The following EMC9 variants were observed in gnomAD, a reference collection of about 807,000 sequenced individuals.
EMC9 encodes the protein ER membrane protein complex subunit 9.
Under a neutral mutation model 25.0 loss-of-function variants are expected in EMC9, and 20 were observed. That is an observed-to-expected ratio of 0.80 (90% CI 0.56 to 1.16). The LOEUF is 1.16. EMC9 is among the 50% of genes most tolerant of loss of function. The probability of loss-of-function intolerance (pLI) is 0.00; values close to 1 mark genes in which losing one functional copy is unlikely to be tolerated. For synonymous variants in EMC9, 100 were observed against 107.0 expected (o/e 0.93, Z 0.40); for missense variants, 256 against 268.7 (o/e 0.95, Z 0.33).
intron 3 of EMC9, chr14:24,140,051 C>G: frequency 3.2e-6 from 1 of 311,968 alleles, no homozygotes; most frequent in Non-Finnish European, 6.3e-6. Context: ...TACGGTAGAT[C>G]TTGGTGTGGA....
chr14:24,139,210 C>G lies in EMC9; in HGVS notation c.441-14G>C. On this transcript the variant is annotated splice_polypyrimidine_tract_variant and intron_variant, in intron 5 of 5. Transcript: ENST00000216799. This position sits in a 1 kb window ranked among gnomAD's most constrained non-coding sequence, Gnocchi z 4.6. ...CTCCACATCACTCTGAAATAGTAAC[C>G]CCCATGGAGGTCAAACAGCAAGTAG... 1 of 1,613,480 alleles carries G rather than the reference C, an allele frequency of 6.2e-7. No individual in the cohort carries two copies. Among genetic ancestry groups the G allele is most frequent in the South Asian group, 1.1e-5 (1 of 91,044 alleles).
Position 24,141,222 on chromosome 14 carries a change from C to A in EMC9, c.83G>T (p.Gly28Val), listed in dbSNP as rs1406319396. The change falls in exon 2 of 6, where the codon GGG (glycine) becomes GTG (valine). Residue 28 changes from glycine to valine, a missense_variant. By Grantham distance (109) the Gly-to-Val change is moderately radical. Transcript: ENST00000216799. ...CCGCGGCGCTGGCGCCAAAAACAGC[C>A]CGTTGACTGCGGCGTGTGGGTACCG... is the stretch of plus-strand genomic sequence containing the variant. ...AARYPHAAVNGLFLAPAPRSG... is the reference protein window; with the variant it reads ...AARYPHAAVNVLFLAPAPRSG... The A allele has an allele frequency of 6.2e-7, 1 of 1,614,082 alleles. No individual in the cohort carries two copies. The highest frequency in any genetic ancestry group is 1.3e-5 in the African/African-American group (1 of 74,940).
chr14:24,139,583 G>T lies in EMC9; in HGVS notation c.307C>A (p.Arg103=). 1 of 1,614,018 alleles carries T rather than the reference G, an allele frequency of 6.2e-7. No individual in the cohort carries two copies. The highest frequency in any genetic ancestry group is 8.5e-7 in the Non-Finnish European group (1 of 1,179,986). The stretch of plus-strand genomic sequence containing the variant: ...GCATCAGGGAAGAATTCTGCAATTC[G>T]CCCAGCAATTTTCAAGGCCAGGGGC... The part of the protein sequence containing the change: ...PGPLALKIAG[R]IAEFFPDAVL... Residue 103 remains arginine (R), a synonymous_variant, in exon 4 of 6, where the codon CGA becomes AGA. Transcript: ENST00000216799. The surrounding 1 kb of genome is among the most constrained non-coding windows in gnomAD (Gnocchi z 4.6).
In EMC9 at chr14:24,139,715, G is replaced by A. The variant is rs1339841933; in HGVS notation, c.276-101C>T. The A allele has an allele frequency of 1.3e-6, 2 of 1,553,786 alleles. No homozygotes were observed. Among genetic ancestry groups the A allele is most frequent in the African/African-American group, 2.7e-5 (2 of 73,152 alleles). On this transcript the variant is annotated intron_variant, in intron 3 of 5. Coordinates refer to ENST00000216799, the MANE Select transcript of EMC9 (RefSeq NM_016049.4). This position sits in a 1 kb window ranked among gnomAD's most constrained non-coding sequence, Gnocchi z 4.6. ...GTCTCATAGGTGTGGGCGCAGCTGT[G>A]GCCTTTCCCTGTAGGTGGCCTGCGG...
rs370804813 is a variant in EMC9, at chr14:24,139,237, G to A, written c.441-41C>T. On this transcript the variant is annotated intron_variant, in intron 5 of 5. Coordinates refer to ENST00000216799, the MANE Select transcript of EMC9 (RefSeq NM_016049.4). The surrounding 1 kb of genome is among the most constrained non-coding windows in gnomAD (Gnocchi z 4.6). The stretch of plus-strand genomic sequence containing the variant: ...CCATGGAGGTCAAACAGCAAGTAGT[G>A]GGTCCAGACACAGACTTAACAGAGA... The A allele has an allele frequency of 1.4e-5, 23 of 1,610,072 alleles. No individual in the cohort carries two copies. The African/African-American group carries it at 2.8e-4, about 20-fold the overall frequency.
chr14:24,141,217 AC>A lies in EMC9; in HGVS notation c.87del (p.Leu31TrpfsTer58), dbSNP rs753643045. On this transcript the variant is annotated frameshift_variant, in exon 2 of 6. Coordinates refer to ENST00000216799, the MANE Select transcript of EMC9 (RefSeq NM_016049.4). LOFTEE classifies it high-confidence loss of function. ...ARYPHAAVNG[L>X]FLAPAPRSGE... ...CCAGACCGCGGCGCTGGCGCCAAAA[AC>A]AGCCCGTTGACTGCGGCGTGTGGGT... 2.5e-6 allele frequency: 4 copies of A among 1,613,978 alleles called. No individual in the cohort carries two copies. The South Asian group carries it at 4.4e-5, about 18-fold the overall frequency.
In EMC9 at chr14:24,141,218, C is replaced by T. The variant is rs750266659; in HGVS notation, c.87G>A (p.Leu29=). Residue 29 remains leucine (L), a synonymous_variant, in exon 2 of 6, where the codon CTG becomes CTA. Transcript: ENST00000216799. ...CAGACCGCGGCGCTGGCGCCAAAAA[C>T]AGCCCGTTGACTGCGGCGTGTGGGT... ...ARYPHAAVNG[L]FLAPAPRSGE... 14 of 1,614,198 alleles carry T rather than the reference C, an allele frequency of 8.7e-6. No homozygotes were observed. The East Asian group carries it at 2.0e-4, about 23-fold the overall frequency.
rs926271695 is a variant in EMC9 at position 24,141,357 on chromosome 14, C to G, written c.-12-41G>C. On this transcript the variant is annotated intron_variant, in intron 1 of 5. Coordinates refer to ENST00000216799, the MANE Select transcript of EMC9 (RefSeq NM_016049.4). Reference sequence around the variant, plus strand: ...CAAGCCGGATTAGTACCGGATTAGGCGAGCCGGTGCCTAGCTCGCGTCCGT... The same window carrying G: ...CAAGCCGGATTAGTACCGGATTAGGGGAGCCGGTGCCTAGCTCGCGTCCGT... The G allele has an allele frequency of 3.2e-5, 50 of 1,580,358 alleles. No individual in the cohort carries two copies. The East Asian group carries it at 3.2e-4, about 10-fold the overall frequency.
In EMC9 at chr14:24,139,770, G is replaced by A. The variant is rs570412946; in HGVS notation, c.276-156C>T. On this transcript the variant is annotated intron_variant, in intron 3 of 5. Coordinates refer to ENST00000216799, the MANE Select transcript of EMC9 (RefSeq NM_016049.4). The surrounding 1 kb of genome is among the most constrained non-coding windows in gnomAD (Gnocchi z 4.6). ...CGGGCCTGCTGGATGCTTGATGCAC[G>A]ACTGCTTGATGCTTGAGTGCTGTGG... is the stretch of plus-strand genomic sequence containing the variant. 7.6e-5 allele frequency: 117 copies of A among 1,543,654 alleles called. No individual in the cohort carries two copies. In the East Asian group the frequency reaches 2.1e-3, roughly 28 times the overall value.
In EMC9 at chr14:24,139,696, T is replaced by C. The variant is rs778977892; in HGVS notation, c.276-82A>G. ...TTTGAGCTGGGCCTCCCAGGTCTCATAGGTGTGGGCGCAGCTGTGGCCTTT... is the reference window on the plus strand; with the variant it reads ...TTTGAGCTGGGCCTCCCAGGTCTCACAGGTGTGGGCGCAGCTGTGGCCTTT... On this transcript the variant is annotated intron_variant, in intron 3 of 5. Coordinates refer to ENST00000216799, the MANE Select transcript of EMC9 (RefSeq NM_016049.4). The surrounding 1 kb of genome is among the most constrained non-coding windows in gnomAD (Gnocchi z 4.6). 2.2e-5 allele frequency: 34 copies of C among 1,565,178 alleles called. No individual in the cohort carries two copies. The highest frequency in any genetic ancestry group is 9.6e-5 in the Admixed American group (5 of 52,164).
Position 24,139,641 on chromosome 14 carries a change from G to T in EMC9, c.276-27C>A. On this transcript the variant is annotated intron_variant, in intron 3 of 5. Transcript: ENST00000216799. This position sits in a 1 kb window ranked among gnomAD's most constrained non-coding sequence, Gnocchi z 4.6. ...TGTGTAGAGGGAAGATCAGAGGAGTGAGGAGCCAACTGTGGGCAAAACCCA... is the reference window on the plus strand; with the variant it reads ...TGTGTAGAGGGAAGATCAGAGGAGTTAGGAGCCAACTGTGGGCAAAACCCA... 1 of 1,610,324 alleles carries T rather than the reference G, an allele frequency of 6.2e-7. No individual in the cohort carries two copies. The highest frequency in any genetic ancestry group is 1.7e-5 in the Admixed American group (1 of 59,330).
Position 24,141,457 on chromosome 14 carries a change from T to A in EMC9, c.-32A>T. ...TCTCACTTCGGTTCGGCGACAACGC[T>A]AACTCGACTCGCAGGTAGCCCGCCG... On this transcript the variant is annotated 5_prime_UTR_variant, in exon 1 of 6. Coordinates refer to ENST00000216799, the MANE Select transcript of EMC9 (RefSeq NM_016049.4). 1.2e-6 allele frequency: 1 copy of A among 821,434 alleles called. No homozygotes were observed. The highest frequency in any genetic ancestry group is 1.9e-6 in the Non-Finnish European group (1 of 522,816). The allele number at this position is 821,434 out of a possible 1,614,324, so 50.9% of individuals were successfully genotyped here. A position where few individuals can be genotyped will look rare whatever the true frequency, so the allele number is the denominator to read the frequency against.
In EMC9 at chr14:24,141,339, G is replaced by T. The variant is rs369065752; in HGVS notation, c.-12-23C>A. Reference sequence around the variant, plus strand: ...GGCCTGGACGGGAAGCAGCAAGCCGGATTAGTACCGGATTAGGCGAGCCGG... The same window carrying T: ...GGCCTGGACGGGAAGCAGCAAGCCGTATTAGTACCGGATTAGGCGAGCCGG... On this transcript the variant is annotated intron_variant, in intron 1 of 5. Coordinates refer to ENST00000216799, the MANE Select transcript of EMC9 (RefSeq NM_016049.4). The T allele has an allele frequency of 2.0e-5, 33 of 1,610,258 alleles. No individual in the cohort carries two copies. In the African/African-American group the frequency reaches 3.3e-4, roughly 16 times the overall value.
chr14:24,141,318 TGGACGGGA>T lies in EMC9; in HGVS notation c.-12-10_-12-3del. ...CACCTCCCCCATGGCGAGCGAGGCC[TGGACGGGA>T]AGCAGCAAGCCGGATTAGTACCGGA... On this transcript the variant is annotated splice_region_variant and splice_polypyrimidine_tract_variant and intron_variant, in intron 1 of 5. Coordinates refer to ENST00000216799, the MANE Select transcript of EMC9 (RefSeq NM_016049.4). 6.2e-7 allele frequency: 1 copy of T among 1,613,574 alleles called. No homozygotes were observed. Among genetic ancestry groups the T allele is most frequent in the Non-Finnish European group, 8.5e-7 (1 of 1,179,938 alleles).
chr14:24,141,144 A>G lies in EMC9; in HGVS notation c.161T>C (p.Leu54Pro). ...GACCTCCAACATGACGGACAGGGCC[A>G]GGTGGCTGTGGAAGAGGGGCACACA... ...TDCVPLFHSH[L>P]ALSVMLEVAL... is the part of the protein sequence containing the mutation. Residue 54 changes from leucine (L) to proline (P), a missense_variant, in exon 2 of 6, where the codon CTG becomes CCG. Coordinates refer to ENST00000216799, the MANE Select transcript of EMC9 (RefSeq NM_016049.4). The G allele has an allele frequency of 6.2e-7, 1 of 1,614,130 alleles. No individual in the cohort carries two copies. Among genetic ancestry groups the G allele is most frequent in the South Asian group, 1.1e-5 (1 of 91,088 alleles).
intron 3 of EMC9, among the ~76,000 whole-genome samples, chr14:24,140,597 A>C (rs1432692108): frequency 6.6e-6 from 1 of 151,394 alleles, no homozygotes; most frequent in Non-Finnish European, 1.5e-5. Context: ...CCGTCTCAAA[A>C]AAAAAAAAAA....
chr14:24,139,276 AAG>A lies in EMC9; in HGVS notation c.440+82_441-81del. 1 of 1,597,194 alleles carries A rather than the reference AAG, an allele frequency of 6.3e-7. No individual in the cohort carries two copies. Among genetic ancestry groups the A allele is most frequent in the African/African-American group, 1.3e-5 (1 of 74,590 alleles). ...ACTTAACAGAGATTGGGTCTAGAGA[AAG>A]ACCCTTGGGGCAGGGCCAAGGACAG... On this transcript the variant is annotated intron_variant, in intron 5 of 5. Transcript: ENST00000216799. This position sits in a 1 kb window ranked among gnomAD's most constrained non-coding sequence, Gnocchi z 4.6.
rs1467293771 is a variant in EMC9, at chr14:24,141,454, C to T, written c.-29G>A. ...CCCTCTCACTTCGGTTCGGCGACAA[C>T]GCTAACTCGACTCGCAGGTAGCCCG... On this transcript the variant is annotated 5_prime_UTR_variant, in exon 1 of 6. Coordinates refer to ENST00000216799, the MANE Select transcript of EMC9 (RefSeq NM_016049.4). The T allele has an allele frequency of 4.7e-6, 4 of 845,914 alleles. No individual in the cohort carries two copies. In the East Asian group the frequency reaches 8.0e-5, roughly 17 times the overall value. 52.4% of individuals were successfully genotyped at this position (845,914 alleles called of 1,614,324 possible). A position where few individuals can be genotyped will look rare whatever the true frequency, so the allele number is the denominator to read the frequency against.
Position 24,139,542 on chromosome 14 carries a change from C to T in EMC9, c.345+3G>A. ...CCTCCCCACCCAGAAACCCAAGCCT[C>T]ACCATAATAAGTACTGCATCAGGGA... On this transcript the variant is annotated splice_donor_region_variant and intron_variant, in intron 4 of 5. Coordinates refer to ENST00000216799, the MANE Select transcript of EMC9 (RefSeq NM_016049.4). This position sits in a 1 kb window ranked among gnomAD's most constrained non-coding sequence, Gnocchi z 4.6. The T allele has an allele frequency of 1.9e-6, 3 of 1,613,508 alleles. No individual in the cohort carries two copies. The highest frequency in any genetic ancestry group is 1.7e-6 in the Non-Finnish European group (2 of 1,179,700).
Sources: gnomAD v4.1 joint callset for allele counts (sites outside exome capture counted in the v4.1 genomes callset) on GRCh38, gnomAD v4.1.1 for gene constraint, Gnocchi (gnomAD v3.1) non-coding constraint, MANE v1.5 for transcripts, NCBI Gene and HGNC (gene_info 2026-07-23, HGNC 2026-07-21) for gene names.